Variants in CACNA1B observed in about 807,000 individuals in gnomAD.
The protein encoded by CACNA1B is voltage-dependent N-type calcium channel subunit alpha-1B.
CACNA1B carries 70 observed loss-of-function variants against 247.2 expected under a neutral mutation model. That is an observed-to-expected ratio of 0.28 (90% CI 0.23 to 0.35). The LOEUF (loss-of-function observed/expected upper bound fraction) is 0.35, where lower values mean the gene tolerates loss of function less well. Ranked by LOEUF, CACNA1B falls within the 10% of genes least tolerant of loss-of-function variation. The probability of loss-of-function intolerance (pLI) is 1.00; values close to 1 mark genes in which losing one functional copy is unlikely to be tolerated. For synonymous variants in CACNA1B, 1,231 were observed against 1,294.4 expected (o/e 0.95, Z 1.05); for missense variants, 2,367 against 3,197.4 (o/e 0.74, Z 6.26).
At chr9:138,083,872 G>A (rs1387320110) in intron 36 of CACNA1B, among the ~76,000 whole-genome samples, 1 of 150,402 alleles carries the variant, frequency 6.6e-6, no homozygotes, top group Non-Finnish European at 1.5e-5. Context: ...ACAGAACCTG[G>A]GATACTGCCA....
chr9:137,976,111 G>C (rs1045202469), intron 12 of CACNA1B, 92 bp downstream of exon 12: 1 of 811,080 alleles, frequency 1.2e-6, no homozygotes, highest in African/African-American at 1.7e-5. Context: ...GTGTGGGCTG[G>C]GGTCTGTGAC....
intron 39 of CACNA1B, among the ~76,000 whole-genome samples, chr9:138,108,605 A>C (rs1323885655): frequency 6.6e-6 from 1 of 152,216 alleles, no homozygotes; most frequent in African/African-American, 2.4e-5. Context: ...TATCCCTTAT[A>C]AACATAGATT....
chr9:137,939,843 TAA>T (rs1564198535), intron 6 of CACNA1B, among the ~76,000 whole-genome samples: 5 of 140,542 alleles, frequency 3.6e-5, no homozygotes, highest in African/African-American at 1.4e-4. Context: ...AATAAATAAA[TAA>T]ATAAAAAAAA....
chr9:138,082,838 C>G (rs912758363), intron 36 of CACNA1B, among the ~76,000 whole-genome samples: 4 of 150,952 alleles, frequency 2.6e-5, no homozygotes, highest in Non-Finnish European at 4.4e-5. Flanking sequence ...GGGAGAGTCT[C>G]GGAGTACATC....
intron 18 of CACNA1B, chr9:138,017,057 G>A (rs981287112): frequency 7.3e-5 from 36 of 495,234 alleles, no homozygotes; most frequent in East Asian, 2.9e-4. Flanking sequence ...CTACACTGGC[G>A]TGGCTCTCAG....
At position 138,058,015 on chromosome 9, in the gene CACNA1B, G is replaced by A. The variant is rs1959577446; in HGVS notation, c.4107-34G>A. ...AGTTCTTAGGGCTGTCTCCTTTGGG[G>A]GTTCCCCTGACACTTGCTCTCCTCT... On this transcript the variant is annotated intron_variant, in intron 27 of 46. Transcript: ENST00000371372. This position sits in a 1 kb window ranked among gnomAD's most constrained non-coding sequence, Gnocchi z 4.7. 6.3e-7 allele frequency: 1 copy of A among 1,594,008 alleles called. No individual in the cohort carries two copies. Among genetic ancestry groups the A allele is most frequent in the East Asian group, 2.2e-5 (1 of 44,786 alleles).
rs1589142456 is a variant in CACNA1B at position 138,122,261 on chromosome 9, G to T, written c.*262G>T. 3.8e-6 allele frequency: 2 copies of T among 528,740 alleles called. No homozygotes were observed. The highest frequency in any genetic ancestry group is 6.8e-6 in the Non-Finnish European group (2 of 295,392). The allele number at this position is 528,740 out of a possible 1,614,324, so 32.8% of individuals were successfully genotyped here. ...CACACCAGACCCTAAACCGCAGGCT[G>T]CTGTGTGTGGCTGAGAAGGACCCAG... On this transcript the variant is annotated 3_prime_UTR_variant, in exon 47 of 47. Transcript: ENST00000371372.
At chr9:138,086,257 CACAT>C (rs1960690163) in intron 36 of CACNA1B, among the ~76,000 whole-genome samples, 1 of 151,042 alleles carries the variant, frequency 6.6e-6, no homozygotes, top group Non-Finnish European at 1.5e-5. Context: ...TCTATAAGGA[CACAT>C]ATAGAGTGAA....
chr9:138,117,585 T>C (rs1298138921), intron 42 of CACNA1B, among the ~76,000 whole-genome samples: 2 of 152,180 alleles, frequency 1.3e-5, no homozygotes, highest in African/African-American at 4.8e-5. Context: ...CTGCTCCCAC[T>C]TCACAGATCA....
rs374971439 is a variant in CACNA1B at position 137,888,573 on chromosome 9, C to T, written c.530+5690C>T. Among the ~76,000 whole-genome samples the T allele has an allele frequency of 1.2e-4, 18 of 151,842 alleles. No homozygotes were observed. The highest frequency in any genetic ancestry group is 7.7e-4 in the East Asian group (4 of 5,184). On this transcript the variant is annotated intron_variant, in intron 3 of 46. Coordinates refer to ENST00000371372, the MANE Select transcript of CACNA1B (RefSeq NM_000718.4). This position sits in a 1 kb window ranked among gnomAD's most constrained non-coding sequence, Gnocchi z 4.7. ...GCTCTCCGGGGGAGCTTTCCAACCA[C>T]GGCTTCTTGTTTTAGTCTAAATTAA...
chr9:138,061,353 A>G (rs569940917), intron 31 of CACNA1B, among the ~76,000 whole-genome samples: 2 of 152,296 alleles, frequency 1.3e-5, no homozygotes, highest in South Asian at 4.1e-4. Context: ...ATTGGGGAAG[A>G]TGAGCGCAGA....
rs552577276 is a variant in CACNA1B, at chr9:138,046,276, A to G, written c.3414-628A>G. On this transcript the variant is annotated intron_variant, in intron 21 of 46. Coordinates refer to ENST00000371372, the MANE Select transcript of CACNA1B (RefSeq NM_000718.4). ...TGAACAAGCGAGTCGGGCAAATGGG[A>G]CTGGAGCAAAAGGCGAGCACGTGGC... 2.0e-5 allele frequency among the ~76,000 whole-genome samples: 3 copies of G among 152,288 alleles called. No homozygotes were observed. The East Asian group carries it at 5.8e-4, about 29-fold the overall frequency.
chr9:138,120,846 C>T lies in CACNA1B; in HGVS notation c.6454C>T (p.Pro2152Ser), dbSNP rs773155231. 84 of 1,573,108 alleles carry T rather than the reference C, an allele frequency of 5.3e-5. No homozygotes were observed. Among genetic ancestry groups the T allele is most frequent in the Non-Finnish European group, 7.1e-5 (82 of 1,159,510 alleles). Reference sequence around the variant, plus strand: ...CTCCCTCAGCAGCCACCCAACGTCGCCAACAGCTGGCCAGGAGCCGGGACC... The same window carrying T: ...CTCCCTCAGCAGCCACCCAACGTCGTCAACAGCTGGCCAGGAGCCGGGACC... Reference protein sequence around the residue: ...KPSLSSHPTSPTAGQEPGPHP... With the variant: ...KPSLSSHPTSSTAGQEPGPHP... Residue 2152 changes from proline (P) to serine (S), a missense_variant, in exon 46 of 47, where the codon CCA (proline) becomes TCA (serine). Coordinates refer to ENST00000371372, the MANE Select transcript of CACNA1B (RefSeq NM_000718.4).
chr9:138,047,095 AG>A, intron 22 of CACNA1B, 62 bp downstream of exon 22: 1 of 1,472,918 alleles, frequency 6.8e-7, no homozygotes. Flanking sequence ...GTGCCTTCCC[AG>A]GGGCCCAAGG....
rs762969254 is a variant in CACNA1B at position 138,054,765 on chromosome 9, T to C, written c.3968+759T>C. On this transcript the variant is annotated intron_variant, in intron 26 of 46. Coordinates refer to ENST00000371372, the MANE Select transcript of CACNA1B (RefSeq NM_000718.4). This position sits in a 1 kb window ranked among gnomAD's most constrained non-coding sequence, Gnocchi z 4.6. The stretch of plus-strand genomic sequence containing the variant: ...GATGCTGCCAGGCCCTTGTGTAAAA[T>C]TACACTCTCTCCAGCGTAGATGAGA... Among the ~76,000 whole-genome samples, 2 of 152,184 alleles carry C rather than the reference T, an allele frequency of 1.3e-5. No individual in the cohort carries two copies. The highest frequency in any genetic ancestry group is 2.9e-5 in the Non-Finnish European group (2 of 68,042).
rs1467828101 is a variant in CACNA1B, at chr9:138,073,987, C to G, written c.4792-14C>G. ...TGGGAGGTGCCTGTAGCTGACCGGC[C>G]CCTGTCTCCGCAGGCCCTGCCCTAC... On this transcript the variant is annotated splice_polypyrimidine_tract_variant and intron_variant, in intron 33 of 46. Coordinates refer to ENST00000371372, the MANE Select transcript of CACNA1B (RefSeq NM_000718.4). This position sits in a 1 kb window ranked among gnomAD's most constrained non-coding sequence, Gnocchi z 6.4. 1 of 1,608,758 alleles carries G rather than the reference C, an allele frequency of 6.2e-7. No homozygotes were observed. Among genetic ancestry groups the G allele is most frequent in the South Asian group, 1.1e-5 (1 of 91,054 alleles).
chr9:137,977,589 G>A (rs1958235366), intron 12 of CACNA1B, among the ~76,000 whole-genome samples: 1 of 152,214 alleles, frequency 6.6e-6, no homozygotes, highest in Non-Finnish European at 1.5e-5. Flanking sequence ...AGACCCCGCA[G>A]GGAGCACAGG....
intron 3 of CACNA1B, among the ~76,000 whole-genome samples, chr9:137,889,761 G>T (rs565406830): frequency 6.7e-6 from 1 of 149,964 alleles, no homozygotes; most frequent in Non-Finnish European, 1.5e-5. Context: ...AGCCTGAGAA[G>T]GTGCTGCTCT....
chr9:138,021,290 G>A (rs915920606), intron 18 of CACNA1B, among the ~76,000 whole-genome samples: 11 of 152,118 alleles, frequency 7.2e-5, no homozygotes, highest in Admixed American at 1.3e-4. Context: ...GTCTGCAGAC[G>A]GCCCCTACAG....
Sources: allele counts gnomAD v4.1 joint callset (sites outside exome capture counted in the v4.1 genomes callset), GRCh38; gene constraint gnomAD v4.1.1; non-coding constraint Gnocchi (gnomAD v3.1); transcripts MANE v1.5; gene names NCBI Gene and HGNC (gene_info 2026-07-23, HGNC 2026-07-21).